The following WDFY3 variants were observed in gnomAD, a reference collection of about 807,000 sequenced individuals.
WDFY3 encodes WD repeat and FYVE domain containing 3, also known as WD repeat and FYVE domain-containing protein 3.
A neutral mutation model predicts 409.6 loss-of-function variants in WDFY3; 66 were observed. The observed-to-expected ratio is 0.16, with a 90% CI of 0.13 to 0.20. The LOEUF (loss-of-function observed/expected upper bound fraction) is 0.20, where lower values mean the gene tolerates loss of function less well. Ranked by LOEUF, WDFY3 falls within the 10% of genes least tolerant of loss-of-function variation. The pLI, the probability that WDFY3 is intolerant of heterozygous loss-of-function variation, is 1.00. For missense variants in WDFY3, 3,031 were observed against 4,298.1 expected (o/e 0.71, Z 8.24); for synonymous variants, 1,521 against 1,537.1 (o/e 0.99, Z 0.25).
chr4:84,848,723 G>A (rs144635157), intron 5 of WDFY3, among the ~76,000 whole-genome samples: 1 of 152,150 alleles, frequency 6.6e-6, no homozygotes, highest in South Asian at 2.1e-4. Context: ...ATGGGGGATG[G>A]AGAGGAGGAG....
At chr4:84,690,041 A>C (rs1728995520) in intron 61 of WDFY3, among the ~76,000 whole-genome samples, 1 of 152,214 alleles carries the variant, frequency 6.6e-6, no homozygotes, top group Non-Finnish European at 1.5e-5. Flanking sequence ...ATACTCGTTA[A>C]TTAAATCATC....
At chr4:84,739,863 T>A (rs998647014) in intron 39 of WDFY3, among the ~76,000 whole-genome samples, 1 of 152,206 alleles carries the variant, frequency 6.6e-6, no homozygotes, top group South Asian at 2.1e-4. Context: ...ATTTAACATA[T>A]AACACTGCAT....
intron 4 of WDFY3, among the ~76,000 whole-genome samples, chr4:84,858,787 AGGGGGTGG>A (rs1485011930): frequency 1.8e-5 from 2 of 109,854 alleles, no homozygotes; most frequent in Non-Finnish European, 3.7e-5. Context: ...GCACGGGGTG[AGGGGGTGG>A]GTGTGGAGAA....
intron 10 of WDFY3, 47 bp downstream of exon 10, chr4:84,826,764 ATTCT>A (rs761346130): frequency 2.1e-5 from 32 of 1,509,466 alleles, no homozygotes; most frequent in Non-Finnish European, 3.5e-6. Flanking sequence ...AGACAAATTC[ATTCT>A]TTCTCTATTT....
At chr4:84,928,094 T>A (rs1421611556) in intron 2 of WDFY3, among the ~76,000 whole-genome samples, 1 of 152,144 alleles carries the variant, frequency 6.6e-6, no homozygotes, top group Non-Finnish European at 1.5e-5. Flanking sequence ...GTGGGCACTG[T>A]CAAATCAGCT....
chr4:84,894,346 T>C (rs759309361), intron 3 of WDFY3, among the ~76,000 whole-genome samples: 1 of 152,168 alleles, frequency 6.6e-6, no homozygotes, highest in Non-Finnish European at 1.5e-5. Flanking sequence ...TTCTGAATCA[T>C]CTAAGAGTAC....
chr4:84,828,821 C>A (rs1016762082), intron 9 of WDFY3, among the ~76,000 whole-genome samples, 183 bp downstream of exon 9: 8 of 152,084 alleles, frequency 5.3e-5, no homozygotes, highest in Non-Finnish European at 1.2e-4. Flanking sequence ...ACCATTTGAG[C>A]CCAGGAATAC....
intron 64 of WDFY3, among the ~76,000 whole-genome samples, chr4:84,680,378 C>G (rs1026328099): frequency 1.3e-5 from 2 of 152,242 alleles, no homozygotes; most frequent in African/African-American, 2.4e-5. Context: ...CAGCCTCAAC[C>G]TCCTGAGCCC....
At chr4:84,913,651 C>T (rs1768073245) in intron 2 of WDFY3, among the ~76,000 whole-genome samples, 1 of 151,562 alleles carries the variant, frequency 6.6e-6, no homozygotes, top group South Asian at 2.1e-4. Flanking sequence ...TCCGATTATC[C>T]AAGACTTCTT....
At chr4:84,763,680 T>C (rs1273994493) in intron 32 of WDFY3, among the ~76,000 whole-genome samples, 1 of 152,178 alleles carries the variant, frequency 6.6e-6, no homozygotes, top group African/African-American at 2.4e-5. Flanking sequence ...TACACTTGTT[T>C]ACATACACAA....
chr4:84,780,888 A>C (rs1746391701), intron 25 of WDFY3, among the ~76,000 whole-genome samples: 1 of 152,220 alleles, frequency 6.6e-6, no homozygotes, highest in Non-Finnish European at 1.5e-5. Flanking sequence ...AGGGCTTTAC[A>C]GCAAGCACAA....
At chr4:84,760,481 A>C (rs372878102) in intron 32 of WDFY3, among the ~76,000 whole-genome samples, 4 of 151,970 alleles carry the variant, frequency 2.6e-5, no homozygotes, top group African/African-American at 4.8e-5. Context: ...ACAATTTCAG[A>C]TCCTGTTATT....
At chr4:84,845,235 A>G (rs1397192799) in intron 5 of WDFY3, among the ~76,000 whole-genome samples, 1 of 152,222 alleles carries the variant, frequency 6.6e-6, no homozygotes, top group East Asian at 1.9e-4. Context: ...AACACAGCCA[A>G]CCTTCAAAGG....
At chr4:84,863,873 T>C (rs1292650722) in intron 3 of WDFY3, among the ~76,000 whole-genome samples, 1 of 152,186 alleles carries the variant, frequency 6.6e-6, no homozygotes, top group Non-Finnish European at 1.5e-5. Context: ...TTATTTCTGG[T>C]GTCTCTATTC....
chr4:84,827,404 T>C (rs939329344), intron 9 of WDFY3, among the ~76,000 whole-genome samples: 2 of 152,120 alleles, frequency 1.3e-5, no homozygotes, highest in Admixed American at 6.6e-5. Flanking sequence ...TTGTAACCTA[T>C]TTTTTTCCTT....
rs1379449106 is a variant in WDFY3, at chr4:84,755,417, G to C, written c.5425-17C>G. 2.5e-6 allele frequency: 4 copies of C among 1,586,034 alleles called. No homozygotes were observed. The highest frequency in any genetic ancestry group is 3.4e-6 in the Non-Finnish European group (4 of 1,172,116). On this transcript the variant is annotated splice_polypyrimidine_tract_variant and intron_variant, in intron 33 of 67. Transcript: ENST00000295888. The stretch of plus-strand genomic sequence containing the variant: ...CAAATCAAACTGCAGAGGTGAAAGG[G>C]AGCAAATATTAGCCACCACTAATTT...
chr4:84,702,540 A>G (rs754665729), intron 55 of WDFY3, 34 bp from the exon 56 acceptor site: 39 of 1,528,358 alleles, frequency 2.6e-5, no homozygotes, highest in Non-Finnish European at 3.0e-5. Flanking sequence ...TCTATTAGAG[A>G]ACCGTTCCCA....
chr4:84,941,658 G>A (rs1027210760), intron 1 of WDFY3, among the ~76,000 whole-genome samples: 10 of 151,980 alleles, frequency 6.6e-5, no homozygotes, highest in Middle Eastern at 3.4e-3. Flanking sequence ...GTAGACTTTC[G>A]TTTTTGGAAA....
intron 32 of WDFY3, among the ~76,000 whole-genome samples, chr4:84,760,580 G>C (rs1742378683): frequency 6.6e-6 from 1 of 152,206 alleles, no homozygotes; most frequent in African/African-American, 2.4e-5. Flanking sequence ...AGATTTTCTA[G>C]TTTATTTGTG....
Sources: allele counts gnomAD v4.1 joint callset (sites outside exome capture counted in the v4.1 genomes callset), GRCh38; gene constraint gnomAD v4.1.1; transcripts MANE v1.5; gene names NCBI Gene and HGNC (gene_info 2026-07-23, HGNC 2026-07-21).